Variants in SLC35F1 observed in about 807,000 individuals in gnomAD.
SLC35F1 encodes solute carrier family 35 member F1.
In SLC35F1, 14 loss-of-function variants were observed where a neutral mutation model predicts 48.7. The ratio of observed to expected loss-of-function variants is 0.29; its 90% CI spans 0.19 to 0.45. SLC35F1 has a LOEUF of 0.45. Among genes scored for constraint, SLC35F1 ranks in the 20% least tolerant of loss-of-function variants. The probability of loss-of-function intolerance (pLI) is 1.00; values close to 1 mark genes in which losing one functional copy is unlikely to be tolerated. For missense variants in SLC35F1, 404 were observed against 500.0 expected (o/e 0.81, Z 1.83); for synonymous variants, 190 against 202.2 (o/e 0.94, Z 0.51).
At chr6:118,039,788 A>G (rs1582633134) in intron 1 of SLC35F1, among the ~76,000 whole-genome samples, 1 of 134,722 alleles carries the variant, frequency 7.4e-6, no homozygotes, top group African/African-American at 2.7e-5. Context: ...ACATCTAAGC[A>G]TCTCAGGATT....
chr6:117,934,376 A>G (rs1776138774), intron 1 of SLC35F1, among the ~76,000 whole-genome samples: 1 of 152,232 alleles, frequency 6.6e-6, no homozygotes, highest in African/African-American at 2.4e-5. Flanking sequence ...CTCATATTAA[A>G]AAGATACTCT....
chr6:118,101,092 G>T (rs560930645), intron 1 of SLC35F1, among the ~76,000 whole-genome samples: 4 of 151,654 alleles, frequency 2.6e-5, no homozygotes, highest in Non-Finnish European at 5.9e-5. Context: ...CATCTTTTAG[G>T]TCAGCAGCTC....
At chr6:117,961,724 A>T (rs939427706) in intron 1 of SLC35F1, among the ~76,000 whole-genome samples, 1 of 152,162 alleles carries the variant, frequency 6.6e-6, no homozygotes, top group Non-Finnish European at 1.5e-5. Context: ...ACATATACAA[A>T]TGTAATGTTT....
At chr6:117,970,244 T>A (rs1461479849) in intron 1 of SLC35F1, among the ~76,000 whole-genome samples, 5 of 152,312 alleles carry the variant, frequency 3.3e-5, no homozygotes, top group African/African-American at 1.2e-4. Context: ...GCTTACTCTT[T>A]AACTTACTCG....
intron 1 of SLC35F1, among the ~76,000 whole-genome samples, chr6:118,055,625 G>A (rs2114262243): frequency 6.6e-6 from 1 of 152,256 alleles, no homozygotes; most frequent in East Asian, 1.9e-4. Context: ...CCTAACCTCA[G>A]GATCTGCCAT....
rs1053518987 is a variant in SLC35F1 at position 118,317,103 on chromosome 6, A to G, written c.*2851A>G. 6.6e-6 allele frequency: 1 copy of G among 152,634 alleles called. No individual in the cohort carries two copies. The highest frequency in any genetic ancestry group is 1.5e-5 in the Non-Finnish European group (1 of 68,032). The allele number at this position is 152,634 out of a possible 1,614,324, so 9.5% of individuals were successfully genotyped here. On this transcript the variant is annotated 3_prime_UTR_variant, in exon 8 of 8. Transcript: ENST00000360388. The stretch of plus-strand genomic sequence containing the variant: ...TCCACCACCAATCTCTCCTCAATGA[A>G]TAAGACTTTAGCAATTTATATAGAA...
intron 1 of SLC35F1, among the ~76,000 whole-genome samples, chr6:117,942,674 C>G (rs1776246932): frequency 6.6e-6 from 1 of 152,148 alleles, no homozygotes; most frequent in Non-Finnish European, 1.5e-5. Context: ...GAAGTCCAGA[C>G]TTCTTGGTCA....
At chr6:118,279,189 A>G (rs561882092) in intron 6 of SLC35F1, among the ~76,000 whole-genome samples, 7 of 152,356 alleles carry the variant, frequency 4.6e-5, no homozygotes, top group Non-Finnish European at 8.8e-5. Context: ...AAATTAATCA[A>G]TGGTTGAGGT....
intron 1 of SLC35F1, among the ~76,000 whole-genome samples, chr6:117,993,644 A>G (rs1776948915): frequency 6.6e-6 from 1 of 152,090 alleles, no homozygotes; most frequent in South Asian, 2.1e-4. Flanking sequence ...GTTCATAGTT[A>G]TAGCATAATT....
intron 7 of SLC35F1, among the ~76,000 whole-genome samples, chr6:118,287,276 T>G (rs926776356): frequency 6.6e-6 from 1 of 152,132 alleles, no homozygotes; most frequent in Non-Finnish European, 1.5e-5. Flanking sequence ...CACAGCAGAG[T>G]GGCCACCAAT....
chr6:117,982,932 A>G (rs1190177097), intron 1 of SLC35F1, among the ~76,000 whole-genome samples: 1 of 152,188 alleles, frequency 6.6e-6, no homozygotes, highest in African/African-American at 2.4e-5. Context: ...GAGACTCTCT[A>G]CAAATACATT....
intron 1 of SLC35F1, among the ~76,000 whole-genome samples, chr6:118,030,484 G>A (rs1582628119): frequency 6.6e-6 from 1 of 152,186 alleles, no homozygotes; most frequent in Non-Finnish European, 1.5e-5. Flanking sequence ...GCTTGATTCT[G>A]TGTGGCTTTG....
intron 2 of SLC35F1, among the ~76,000 whole-genome samples, chr6:118,232,548 C>CA (rs771123566): frequency 0.23 from 11,531 of 50,102 alleles, 1,097 homozygotes; most frequent in African/African-American, 0.34. Flanking sequence ...AACTCCATCC[C>CA]AAAAAAAAAA....
At chr6:118,258,304 T>A (rs1408422301) in intron 3 of SLC35F1, among the ~76,000 whole-genome samples, 1 of 152,162 alleles carries the variant, frequency 6.6e-6, no homozygotes, top group African/African-American at 2.4e-5. Context: ...ATCTTGTTTA[T>A]CTGACATCAA....
At chr6:118,298,334 G>T (rs950718563) in intron 7 of SLC35F1, among the ~76,000 whole-genome samples, 1 of 151,760 alleles carries the variant, frequency 6.6e-6, no homozygotes, top group Non-Finnish European at 1.5e-5. Context: ...TATATCTCAG[G>T]GTTCTCTTTG....
chr6:118,269,848 C>T (rs1050997965), intron 4 of SLC35F1, among the ~76,000 whole-genome samples: 20 of 152,194 alleles, frequency 1.3e-4, no homozygotes, highest in African/African-American at 4.8e-4. Flanking sequence ...TCAGCCTGGG[C>T]AACACAGTGA....
chr6:117,984,112 A>G (rs1319393118), intron 1 of SLC35F1, among the ~76,000 whole-genome samples: 2 of 152,236 alleles, frequency 1.3e-5, no homozygotes, highest in Non-Finnish European at 2.9e-5. Flanking sequence ...TAACACAACT[A>G]TCAAATATAT....
intron 2 of SLC35F1, among the ~76,000 whole-genome samples, chr6:118,175,069 A>G (rs541279232): frequency 4.8e-4 from 73 of 152,274 alleles, no homozygotes; most frequent in African/African-American, 1.7e-3. Context: ...ACTTCATCGC[A>G]TTTGTTATGT....
chr6:118,226,698 G>A (rs905849522), intron 2 of SLC35F1, among the ~76,000 whole-genome samples: 3 of 152,118 alleles, frequency 2.0e-5, no homozygotes, highest in Admixed American at 6.5e-5. Context: ...GTTACCAGAC[G>A]CTGGGAAGAG....
Sources: gnomAD v4.1 joint callset for allele counts (sites outside exome capture counted in the v4.1 genomes callset) on GRCh38, gnomAD v4.1.1 for gene constraint, MANE v1.5 for transcripts, NCBI Gene and HGNC (gene_info 2026-07-23, HGNC 2026-07-21) for gene names.